AOPEP: variants seen among roughly 807,000 people sequenced by gnomAD.
AOPEP encodes aminopeptidase O (putative).
Under a neutral mutation model 98.1 loss-of-function variants are expected in AOPEP, and 77 were observed. The observed-to-expected ratio is 0.78, with a 90% confidence interval of 0.65 to 0.95. The LOEUF (loss-of-function observed/expected upper bound fraction) is 0.95. AOPEP is among the 40% of genes least tolerant of loss of function. The probability of loss-of-function intolerance (pLI) is 0.00; values close to 1 mark genes in which losing one functional copy is unlikely to be tolerated. For synonymous variants in AOPEP, 346 were observed against 365.3 expected (o/e 0.95, Z 0.60); for missense variants, 1,024 against 1,024.7 (o/e 1.00, Z 0.01).
chr9:94,924,783 A>G (rs2136867900), intron 6 of AOPEP, among the ~76,000 whole-genome samples: 1 of 152,350 alleles, frequency 6.6e-6, no homozygotes, highest in East Asian at 1.9e-4. Flanking sequence ...AACCTACACT[A>G]TTAGTTTTTT....
At chr9:95,007,964 C>T (rs1342219720) in intron 13 of AOPEP, among the ~76,000 whole-genome samples, 1 of 152,200 alleles carries the variant, frequency 6.6e-6, no homozygotes, top group Non-Finnish European at 1.5e-5. Flanking sequence ...TTTTTAAAAA[C>T]GTTTGCCATG....
chr9:95,104,032 G>A, the AOPEP span, among the ~76,000 whole-genome samples: 4 of 152,148 alleles, frequency 2.6e-5, no homozygotes, highest in African/African-American at 7.2e-5. Flanking sequence ...GACCCAAGCT[G>A]TAGGAGGGAA....
At chr9:94,875,285 T>G (rs1453626507) in intron 5 of AOPEP, among the ~76,000 whole-genome samples, 1 of 150,778 alleles carries the variant, frequency 6.6e-6, no homozygotes, top group Admixed American at 6.6e-5. Flanking sequence ...AAAGTACTGT[T>G]TATATGTCTT....
intron 2 of AOPEP, among the ~76,000 whole-genome samples, chr9:94,766,204 T>C (rs1010155417): frequency 6.6e-6 from 1 of 152,198 alleles, no homozygotes. Flanking sequence ...TCCTTGTATT[T>C]TTAACATTTT....
chr9:95,082,750 A>G, intron 16 of AOPEP, 31 bp downstream of exon 16: 1 of 1,611,116 alleles, frequency 6.2e-7, no homozygotes, highest in South Asian at 1.1e-5. Context: ...TCTGTCATTT[A>G]GTTCTAACCA....
rs769632059 is a variant in AOPEP, at chr9:94,760,531, A to G, written c.748A>G (p.Thr250Ala). The G allele has an allele frequency of 1.0e-5, 16 of 1,581,932 alleles. No homozygotes were observed. Among genetic ancestry groups the G allele is most frequent in the Non-Finnish European group, 1.4e-5 (16 of 1,167,518 alleles). ...FPHAIRIWYK[T>A]KPEGRSVTWT... is the part of the protein sequence containing the mutation. ...TCATGCTATCAGGATATGGTACAAA[A>G]CTAAACCTGAAGGGCGATCGGTTAC... The change falls in exon 2 of 17, where the codon ACT becomes GCT. Residue 250 changes from threonine to alanine, a missense_variant. Thr to Ala is a moderately conservative substitution (Grantham distance 58, BLOSUM62 0). This residue lies in a region of AOPEP where 440 missense variants were observed against 433.8 expected (regional missense o/e 1.01). Transcript: ENST00000375315.
At chr9:94,746,544 G>A (rs1196869849) in intron 1 of AOPEP, among the ~76,000 whole-genome samples, 3 of 152,168 alleles carry the variant, frequency 2.0e-5, no homozygotes, top group Non-Finnish European at 2.9e-5. Flanking sequence ...TAAGTGGTAC[G>A]CTTCAGAAAA....
the AOPEP span, chr9:95,099,883 C>A: frequency 4.3e-6 from 1 of 233,386 alleles, no homozygotes; most frequent in Non-Finnish European, 8.5e-6. Flanking sequence ...AAGGAAGGGG[C>A]ATGGGCAGAG....
chr9:94,895,219 T>TA (rs907258167), intron 5 of AOPEP, among the ~76,000 whole-genome samples: 1,415 of 60,666 alleles, frequency 0.023, 47 homozygotes, highest in African/African-American at 0.065. Context: ...TCATCTCTAC[T>TA]AAAAAAAAAT....
At chr9:94,988,060 A>G (rs915444870) in intron 11 of AOPEP, among the ~76,000 whole-genome samples, 4 of 152,168 alleles carry the variant, frequency 2.6e-5, no homozygotes, top group African/African-American at 9.7e-5. Context: ...GAACAGCTAG[A>G]CTGACTTTAG....
At chr9:94,772,774 A>G (rs750435085) in intron 2 of AOPEP, among the ~76,000 whole-genome samples, 2 of 152,184 alleles carry the variant, frequency 1.3e-5, no homozygotes, top group Non-Finnish European at 2.9e-5. Flanking sequence ...TAAATAAACC[A>G]ACTCTTTTTA....
intron 3 of AOPEP, among the ~76,000 whole-genome samples, chr9:94,776,549 G>T (rs969689118): frequency 2.0e-5 from 3 of 152,138 alleles, no homozygotes; most frequent in African/African-American, 4.8e-5. Context: ...CAGTCCACTC[G>T]CCTCGGCCTC....
intron 5 of AOPEP, among the ~76,000 whole-genome samples, chr9:94,906,533 G>T (rs1187004549): frequency 6.7e-6 from 1 of 150,140 alleles, no homozygotes; most frequent in Non-Finnish European, 1.5e-5. Flanking sequence ...AAATTAACCA[G>T]GTCTCAGCTA....
chr9:94,901,855 G>A (rs1218020943), intron 5 of AOPEP, among the ~76,000 whole-genome samples: 1 of 152,050 alleles, frequency 6.6e-6, no homozygotes, highest in Non-Finnish European at 1.5e-5. Context: ...GATGCAGTGA[G>A]CTGAGATCGC....
At chr9:95,106,185 A>G in the AOPEP span, among the ~76,000 whole-genome samples, 3 of 151,984 alleles carry the variant, frequency 2.0e-5, no homozygotes, top group Non-Finnish European at 4.4e-5. Context: ...ATCTCGCTGC[A>G]CTTTGCCTTT....
At chr9:94,769,702 G>T (rs919804957) in intron 2 of AOPEP, among the ~76,000 whole-genome samples, 5 of 152,238 alleles carry the variant, frequency 3.3e-5, no homozygotes, top group Non-Finnish European at 7.3e-5. Context: ...ATGGAAAGAG[G>T]AGGGTGGGAA....
chr9:95,066,457 C>T (rs1172756080), intron 14 of AOPEP, among the ~76,000 whole-genome samples: 1 of 152,124 alleles, frequency 6.6e-6, no homozygotes, highest in Non-Finnish European at 1.5e-5. Context: ...AAGAAGCAAG[C>T]CATGGACAGC....
chr9:94,842,385 A>G (rs2042374880), intron 5 of AOPEP, among the ~76,000 whole-genome samples: 1 of 152,068 alleles, frequency 6.6e-6, no homozygotes, highest in Non-Finnish European at 1.5e-5. Flanking sequence ...ACAACAACAA[A>G]CAAACAAAAT....
chr9:95,117,193 C>T, the AOPEP span: 6 of 891,462 alleles, frequency 6.7e-6, no homozygotes, highest in Non-Finnish European at 9.1e-6. Flanking sequence ...TTAAAGGGAT[C>T]TTAGAAATAA....
Sources: allele counts gnomAD v4.1 joint callset (sites outside exome capture counted in the v4.1 genomes callset), GRCh38; gene constraint gnomAD v4.1.1; regional missense constraint gnomAD v4.1.1; transcripts MANE v1.5; gene names NCBI Gene and HGNC (gene_info 2026-07-23, HGNC 2026-07-21).